The following ARL6IP5 variants were observed in gnomAD, a reference collection of about 807,000 sequenced individuals.
ARL6IP5 encodes PRA1 family protein 3.
In ARL6IP5, 6 loss-of-function variants were observed where a neutral mutation model predicts 13.0. That is an observed-to-expected ratio of 0.46 (90% confidence interval 0.25 to 0.91). The LOEUF is 0.91. Ranked by LOEUF, ARL6IP5 falls within the 40% of genes least tolerant of loss-of-function variation. The pLI, the probability that ARL6IP5 is intolerant of heterozygous loss-of-function variation, is 0.17. For missense variants in ARL6IP5, 208 were observed against 248.8 expected (o/e 0.84, Z 1.10); for synonymous variants, 91 against 91.9 (o/e 0.99, Z 0.06).
chr3:69,094,521 A>G (rs777061685), intron 1 of ARL6IP5, among the ~76,000 whole-genome samples: 1 of 152,166 alleles, frequency 6.6e-6, no homozygotes, highest in Non-Finnish European at 1.5e-5. Flanking sequence ...AAACATCGCC[A>G]ATTTAGAGAA....
intron 2 of ARL6IP5, 189 bp downstream of exon 2, chr3:69,102,245 G>A (rs1425102006): frequency 4.8e-6 from 3 of 620,616 alleles, no homozygotes; most frequent in African/African-American, 1.8e-5. Flanking sequence ...GAACTATGAG[G>A]TCAAGGCCTT....
chr3:69,095,060 T>C (rs2107512695), intron 1 of ARL6IP5, among the ~76,000 whole-genome samples: 1 of 152,110 alleles, frequency 6.6e-6, no homozygotes, highest in East Asian at 1.9e-4. Flanking sequence ...TTACTTAGAG[T>C]GTGGGGGAAA....
intron 1 of ARL6IP5, among the ~76,000 whole-genome samples, chr3:69,096,147 C>T (rs763187621): frequency 2.0e-5 from 3 of 152,116 alleles, no homozygotes; most frequent in African/African-American, 4.8e-5. Flanking sequence ...AGAGTAACTT[C>T]GTTAGTTTTT....
rs1481950699 is a variant in ARL6IP5, at chr3:69,085,194, G to A, written c.147G>A (p.Val49=). The A allele has an allele frequency of 6.2e-7, 1 of 1,614,032 alleles. No individual in the cohort carries two copies. The highest frequency in any genetic ancestry group is 1.1e-5 in the South Asian group (1 of 91,078). The change falls in exon 1 of 3, where the codon GTG becomes GTA. Residue 49 remains valine, a synonymous_variant. Transcript: ENST00000273258. The stretch of plus-strand genomic sequence containing the variant: ...TCTATTACCAGACCAACTACCTGGT[G>A]GTGGCTGCCATGATGATTTCCATTG... ...NLLYYQTNYL[V]VAAMMISIVG...
rs1575866458 is a variant in ARL6IP5 at position 69,104,803 on chromosome 3, A to G, written c.*167A>G. 1 of 811,604 alleles carries G rather than the reference A, an allele frequency of 1.2e-6. No homozygotes were observed. Among genetic ancestry groups the G allele is most frequent in the East Asian group, 2.7e-5 (1 of 37,716 alleles). The allele number at this position is 811,604 out of a possible 1,614,324, so 50.3% of individuals were successfully genotyped here. On this transcript the variant is annotated 3_prime_UTR_variant, in exon 3 of 3. Transcript: ENST00000273258. Reference sequence around the variant, plus strand: ...ACTATTATCAGCTCTGATGTTTCAGAGAGAAGACCTCAGAAACCGAAAGAA... The same window carrying G: ...ACTATTATCAGCTCTGATGTTTCAGGGAGAAGACCTCAGAAACCGAAAGAA...
At chr3:69,094,141 G>A (rs1279650744) in intron 1 of ARL6IP5, among the ~76,000 whole-genome samples, 1 of 152,234 alleles carries the variant, frequency 6.6e-6, no homozygotes, top group Non-Finnish European at 1.5e-5. Context: ...AACCCTGAGT[G>A]GATGGGGGTG....
At position 69,095,652 on chromosome 3, in the gene ARL6IP5, G is replaced by A. The variant is rs566109015; in HGVS notation, c.177-6187G>A. Reference sequence around the variant, plus strand: ...TGGGATTACAGGCATGCGCCACCACGCCCAGCTAATTTTTATGTTTTTAGT... The same window carrying A: ...TGGGATTACAGGCATGCGCCACCACACCCAGCTAATTTTTATGTTTTTAGT... On this transcript the variant is annotated intron_variant, in intron 1 of 2. Transcript: ENST00000273258. 2.6e-4 allele frequency among the ~76,000 whole-genome samples: 39 copies of A among 152,014 alleles called. 1 individual carries two copies. In the South Asian group the frequency reaches 6.2e-3, roughly 24 times the overall value.
At chr3:69,089,355 C>A (rs2092257864) in intron 1 of ARL6IP5, among the ~76,000 whole-genome samples, 1 of 152,114 alleles carries the variant, frequency 6.6e-6, no homozygotes, top group African/African-American at 2.4e-5. Context: ...AGCTCGAGGT[C>A]ACAGGCTAAT....
intron 1 of ARL6IP5, among the ~76,000 whole-genome samples, chr3:69,091,296 CAT>C (rs1025239048): frequency 1.3e-5 from 2 of 151,794 alleles, no homozygotes; most frequent in Non-Finnish European, 2.9e-5. Context: ...TATATACATA[CAT>C]ATATATATAT....
chr3:69,091,007 G>T (rs933285934), intron 1 of ARL6IP5, among the ~76,000 whole-genome samples: 1 of 152,078 alleles, frequency 6.6e-6, no homozygotes, highest in Non-Finnish European at 1.5e-5. Context: ...GACCAGCCCG[G>T]GCAACATGGC....
chr3:69,104,957 G>A lies in ARL6IP5; in HGVS notation c.*321G>A, dbSNP rs1027853780. ...ATTACGGCTTTTACAGCAACAATAC[G>A]ATTATCTTATAGGAAAAAAAAAATC... On this transcript the variant is annotated 3_prime_UTR_variant, in exon 3 of 3. Transcript: ENST00000273258. 1.6e-5 allele frequency: 11 copies of A among 679,780 alleles called. No homozygotes were observed. Among genetic ancestry groups the A allele is most frequent in the African/African-American group, 5.5e-5 (3 of 54,876 alleles). 42.1% of individuals were successfully genotyped at this position (679,780 alleles called of 1,614,324 possible).
chr3:69,102,290 A>T, intron 2 of ARL6IP5: 1 of 555,682 alleles, frequency 1.8e-6, no homozygotes, highest in South Asian at 2.1e-5. Flanking sequence ...TTGTTGGGGC[A>T]TCTGCTATGT....
intron 1 of ARL6IP5, 55 bp from the exon 2 acceptor site, chr3:69,101,784 T>G (rs557491142): frequency 6.9e-7 from 1 of 1,440,292 alleles, no homozygotes; most frequent in East Asian, 2.4e-5. Flanking sequence ...TTTCTCCTTT[T>G]GCTACTTCTA....
chr3:69,097,651 G>T (rs1198994061), intron 1 of ARL6IP5, among the ~76,000 whole-genome samples: 1 of 152,056 alleles, frequency 6.6e-6, no homozygotes, highest in African/African-American at 2.4e-5. Context: ...CCAATTCCGG[G>T]GTTGTCTCAG....
At position 69,089,983 on chromosome 3, in the gene ARL6IP5, G is replaced by T. The variant is rs1559652365; in HGVS notation, c.176+4760G>T. On this transcript the variant is annotated intron_variant, in intron 1 of 2. Transcript: ENST00000273258. Reference sequence around the variant, plus strand: ...ATGGTAAGGAGTTTCTAGAAGGCTGGTAATTATAAGTTTGAAAACAGCATT... The same window carrying T: ...ATGGTAAGGAGTTTCTAGAAGGCTGTTAATTATAAGTTTGAAAACAGCATT... The T allele has an allele frequency of 1.0e-5, 4 of 393,222 alleles. No homozygotes were observed. The Middle Eastern group carries it at 1.5e-3, about 147-fold the overall frequency. 24.4% of individuals were successfully genotyped at this position (393,222 alleles called of 1,614,324 possible).
intron 2 of ARL6IP5, chr3:69,102,330 G>C (rs1333252366): frequency 2.2e-6 from 1 of 458,494 alleles, no homozygotes; most frequent in Non-Finnish European, 4.0e-6. Context: ...TTGTTGAGAT[G>C]GGGTCTACTC....
chr3:69,091,624 T>C (rs2092267383), intron 1 of ARL6IP5, among the ~76,000 whole-genome samples: 1 of 151,844 alleles, frequency 6.6e-6, no homozygotes, highest in African/African-American at 2.4e-5. Context: ...TAACTTTGTT[T>C]ATCTGAACTT....
chr3:69,098,514 G>A (rs916028771), intron 1 of ARL6IP5, among the ~76,000 whole-genome samples: 1 of 152,004 alleles, frequency 6.6e-6, no homozygotes, highest in South Asian at 2.1e-4. Context: ...CAAAGTGCTG[G>A]GATTACAGAC....
intron 2 of ARL6IP5, 160 bp downstream of exon 2, chr3:69,102,216 AAC>A: frequency 1.4e-6 from 1 of 711,096 alleles, no homozygotes; most frequent in South Asian, 1.8e-5. Flanking sequence ...AGACCCAGAT[AAC>A]ACAGAACTGA....
Sources: allele counts gnomAD v4.1 joint callset (sites outside exome capture counted in the v4.1 genomes callset), GRCh38; gene constraint gnomAD v4.1.1; transcripts MANE v1.5; gene names NCBI Gene and HGNC (gene_info 2026-07-23, HGNC 2026-07-21).